ZNF568: variants seen among roughly 807,000 people sequenced by gnomAD.
ZNF568 encodes p53 inhibitor of SCO2 activation.
ZNF568 carries 11 observed loss-of-function variants against 18.1 expected under a neutral mutation model. The observed-to-expected ratio is 0.61, with a 90% confidence interval of 0.38 to 1.00. The LOEUF (loss-of-function observed/expected upper bound fraction) is 1.00. ZNF568 is among the 50% of genes least tolerant of loss of function. ZNF568 has a pLI of 0.01. For synonymous variants in ZNF568, 213 were observed against 246.6 expected, an observed-to-expected ratio of 0.86 and a Z score of 1.28; for missense variants, 639 against 768.2, an observed-to-expected ratio of 0.83 and a Z score of 1.99.
intron 6 of ZNF568, chr19:36,973,550 A>G: frequency 6.5e-6 from 1 of 154,044 alleles, no homozygotes; most frequent in Non-Finnish European, 1.4e-5. Flanking sequence ...GTGTGGTGTG[A>G]GGCTGGCGCT....
At chr19:36,986,527 A>C (rs2074377819) in intron 2 of ZNF568, among the ~76,000 whole-genome samples, 1 of 152,078 alleles carries the variant, frequency 6.6e-6, no homozygotes, top group African/African-American at 2.4e-5. Context: ...TTGAATTCTA[A>C]AATATTTTTG....
intron 5 of ZNF568, 122 bp downstream of exon 5, chr19:36,936,994 C>T (rs895747065): frequency 4.3e-6 from 6 of 1,383,592 alleles, no homozygotes; most frequent in Non-Finnish European, 6.0e-6. Flanking sequence ...TATATGTGCT[C>T]CACTCTTCAG....
chr19:36,976,454 T>A (rs1431001305), intron 7 of ZNF568: 1 of 152,234 alleles, frequency 6.6e-6, no homozygotes, highest in African/African-American at 2.4e-5. Flanking sequence ...CAAAAATTCT[T>A]GGCAAGTCAT....
chr19:36,983,371 T>C (rs1400572906), downstream of ZNF568, among the ~76,000 whole-genome samples: 1 of 152,196 alleles, frequency 6.6e-6, no homozygotes, highest in Non-Finnish European at 1.5e-5. Flanking sequence ...CTTCAGATTA[T>C]TTGTTTATTC....
At chr19:36,986,377 G>A (rs1349158488) in intron 2 of ZNF568, among the ~76,000 whole-genome samples, 2 of 152,092 alleles carry the variant, frequency 1.3e-5, no homozygotes, top group Non-Finnish European at 2.9e-5. Context: ...TATCATGAAT[G>A]TCAAAGCTTA....
downstream of ZNF568, among the ~76,000 whole-genome samples, chr19:36,955,407 G>T (rs1352460109): frequency 6.6e-6 from 1 of 151,992 alleles, no homozygotes; most frequent in African/African-American, 2.4e-5. Context: ...TCTCACCCCA[G>T]TAAGACTGGC....
chr19:36,966,251 A>C (rs2074194073), intron 6 of ZNF568, among the ~76,000 whole-genome samples: 1 of 152,168 alleles, frequency 6.6e-6, no homozygotes, highest in South Asian at 2.1e-4. Context: ...GCACCACTGC[A>C]TTCCAGCCTA....
chr19:36,953,738 C>A (rs1224634558), downstream of ZNF568, among the ~76,000 whole-genome samples: 1 of 151,552 alleles, frequency 6.6e-6, no homozygotes, highest in Non-Finnish European at 1.5e-5. Flanking sequence ...AGGATGAAAC[C>A]CCGTCTCTAC....
At chr19:36,922,063 G>A (rs1291442652) in intron 2 of ZNF568, among the ~76,000 whole-genome samples, 1 of 152,208 alleles carries the variant, frequency 6.6e-6, no homozygotes, top group East Asian at 1.9e-4. Context: ...ATCTATTAGT[G>A]TGTAACAAAT....
rs73618488 is a variant in ZNF568, at chr19:36,944,881, A to G, written c.359-4631A>G. 9.2e-3 allele frequency among the ~76,000 whole-genome samples: 1,401 copies of G among 152,310 alleles called. 25 individuals are homozygous for G. The highest frequency in any genetic ancestry group is 0.032 in the African/African-American group (1,331 of 41,582). On this transcript the variant is annotated intron_variant, in intron 6 of 6. Transcript: ENST00000333987. ...TCTTTTGAGTTTTCTTCCTTAGAAT[A>G]TATTCTAATAGGGATATATAGTCAA...
exon 5 of ZNF568, chr19:36,997,202 A>G (rs746894936): frequency 3.7e-6 from 6 of 1,608,044 alleles, no homozygotes; most frequent in Non-Finnish European, 5.1e-6. Context: ...CATACTGGTG[A>G]GAAACCCCAT....
chr19:36,962,286 T>G (rs1337381138), intron 6 of ZNF568, among the ~76,000 whole-genome samples: 3 of 144,186 alleles, frequency 2.1e-5, no homozygotes, highest in African/African-American at 7.7e-5. Flanking sequence ...TGTTTTTTTT[T>G]TTTTTTTTTT....
At chr19:36,942,287 A>G (rs576171888) in intron 6 of ZNF568, among the ~76,000 whole-genome samples, 1 of 151,472 alleles carries the variant, frequency 6.6e-6, no homozygotes, top group African/African-American at 2.4e-5. Flanking sequence ...TTCTGTAGTC[A>G]TTTTCAAACA....
intron 6 of ZNF568, among the ~76,000 whole-genome samples, chr19:36,946,798 A>G (rs1013106139): frequency 2.6e-5 from 4 of 151,130 alleles, no homozygotes; most frequent in Admixed American, 6.6e-5. Context: ...GATTATAGGC[A>G]TGCTCCACCA....
downstream of ZNF568, among the ~76,000 whole-genome samples, chr19:36,954,630 C>T (rs4806383): frequency 0.21 from 31,297 of 150,862 alleles, 3,210 homozygotes; most frequent in South Asian, 0.29. Context: ...AGAGCAATGG[C>T]GTGATCTTGG....
intron 2 of ZNF568, among the ~76,000 whole-genome samples, chr19:36,988,875 T>C (rs1342166946): frequency 1.3e-5 from 2 of 152,182 alleles, no homozygotes; most frequent in Non-Finnish European, 2.9e-5. Context: ...GCCTCTCTTC[T>C]AGCTATTTTG....
Position 36,950,976 on chromosome 19 carries a change from A to C in ZNF568, c.1823A>C (p.His608Pro), listed in dbSNP as rs769305077. 1.2e-6 allele frequency: 2 copies of C among 1,613,762 alleles called. No homozygotes were observed. The highest frequency in any genetic ancestry group is 1.1e-5 in the South Asian group (1 of 90,968). The change falls in exon 7 of 7, where the codon CAT (histidine) becomes CCT (proline). Residue 608 changes from histidine to proline, a missense_variant. Transcript: ENST00000333987. ...CSLLIIHMRS[H>P]TGEKPFECNE... ...TTACTTATTATACATATGAGAAGTC[A>C]TACTGGTGAGAAACCCTTTGAATGT... is the stretch of plus-strand genomic sequence containing the variant.
downstream of ZNF568, among the ~76,000 whole-genome samples, chr19:36,957,260 C>T (rs576187798): frequency 2.4e-5 from 3 of 126,542 alleles, no homozygotes; most frequent in East Asian, 7.3e-4. Context: ...TAAATGGAGT[C>T]CTGCTCTGTC....
chr19:36,965,947 G>T (rs1486394264), intron 6 of ZNF568, among the ~76,000 whole-genome samples: 1 of 151,590 alleles, frequency 6.6e-6, no homozygotes, highest in East Asian at 2.0e-4. Context: ...TGATCTGCCC[G>T]CCTCGGCCTC....
Sources: allele counts gnomAD v4.1 joint callset (sites outside exome capture counted in the v4.1 genomes callset), GRCh38; gene constraint gnomAD v4.1.1; transcripts MANE v1.5; gene names NCBI Gene and HGNC (gene_info 2026-07-23, HGNC 2026-07-21).